Variants in CCNH observed in about 807,000 individuals in gnomAD.
CCNH encodes the protein cyclin-H.
CCNH carries 31 observed loss-of-function variants against 41.9 expected under a neutral mutation model. That is an observed-to-expected ratio of 0.74 (90% confidence interval 0.56 to 1.00). The LOEUF (loss-of-function observed/expected upper bound fraction) is 1.00. Among genes scored for constraint, CCNH ranks in the 50% least tolerant of loss-of-function variants. CCNH has a pLI of 0.00. For missense variants in CCNH, 362 were observed against 388.4 expected (o/e 0.93, Z 0.57); for synonymous variants, 138 against 136.1 (o/e 1.01, Z -0.10).
chr5:87,389,652 T>C, downstream of CCNH: 6 of 1,280,860 alleles, frequency 4.7e-6, no homozygotes, highest in Admixed American at 3.7e-5. Flanking sequence ...CTCTGCATCA[T>C]ATTACAAAAG....
At chr5:87,384,387 G>A (rs189360398) in intron 9 of CCNH, among the ~76,000 whole-genome samples, 172 of 152,164 alleles carry the variant, frequency 1.1e-3, no homozygotes, top group African/African-American at 3.8e-3. Flanking sequence ...TTGTGACTTT[G>A]AATGTAATAA....
At chr5:87,334,144 G>A (rs891984406) in intron 9 of CCNH, among the ~76,000 whole-genome samples, 1 of 152,126 alleles carries the variant, frequency 6.6e-6, no homozygotes, top group Non-Finnish European at 1.5e-5. Context: ...GATGGAGACA[G>A]TAAAGACCCA....
intron 9 of CCNH, among the ~76,000 whole-genome samples, chr5:87,354,798 T>C (rs552137225): frequency 1.3e-5 from 2 of 152,276 alleles, no homozygotes; most frequent in East Asian, 3.9e-4. Flanking sequence ...TTGAAGGAAA[T>C]TGAAAGTGCT....
the CCNH span, among the ~76,000 whole-genome samples, chr5:87,313,177 G>GAAA: frequency 6.6e-6 from 1 of 152,160 alleles, no homozygotes; most frequent in African/African-American, 2.4e-5. Context: ...CTCAGTTTTT[G>GAAA]ATGTGATCAA....
chr5:87,379,314 A>G (rs528667975), upstream of CCNH, among the ~76,000 whole-genome samples: 62 of 152,302 alleles, frequency 4.1e-4, no homozygotes, highest in African/African-American at 1.3e-3. Flanking sequence ...GAGATAGGCT[A>G]CGGAATTCCG....
At chr5:87,410,257 G>A (rs1764127764) in intron 2 of CCNH, among the ~76,000 whole-genome samples, 1 of 151,996 alleles carries the variant, frequency 6.6e-6, no homozygotes, top group African/African-American at 2.4e-5. Flanking sequence ...CCATAAAGAA[G>A]TTCATTAAAG....
At chr5:87,390,876 T>G (rs750934301), downstream of CCNH, 2 of 1,610,560 alleles carry the variant, frequency 1.2e-6, no homozygotes, top group Admixed American at 3.3e-5. Context: ...ACCAATGATG[T>G]CAGGTAGCAG....
chr5:87,333,207 CT>C (rs1757722314), intron 9 of CCNH: 1 of 1,590,408 alleles, frequency 6.3e-7, no homozygotes, highest in East Asian at 2.3e-5. Flanking sequence ...GGATATACCT[CT>C]TTTGACTTTA....
At chr5:87,376,280 T>G in exon 1 of CCNH, 1 of 1,277,108 alleles carries the variant, frequency 7.8e-7, no homozygotes. Context: ...GAAAACTCCT[T>G]TAATGAAAAG....
At chr5:87,412,556 G>C in intron 1 of CCNH, 122 bp downstream of exon 1, 1 of 1,470,124 alleles carries the variant, frequency 6.8e-7, no homozygotes. Flanking sequence ...ATAGAAAAAC[G>C]CACTCCGCGC....
At chr5:87,389,549 T>C, downstream of CCNH, 1 of 1,612,570 alleles carries the variant, frequency 6.2e-7, no homozygotes, top group Non-Finnish European at 8.5e-7. Flanking sequence ...CCAGCCTTCA[T>C]TAACAATGAT....
chr5:87,353,727 T>TG (rs1759449093), intron 9 of CCNH, among the ~76,000 whole-genome samples: 2 of 151,994 alleles, frequency 1.3e-5, no homozygotes, highest in Admixed American at 6.6e-5. Context: ...TGAAGTTGTA[T>TG]GGGGAGATGG....
chr5:87,348,032 A>T (rs949704156), intron 9 of CCNH, among the ~76,000 whole-genome samples: 2 of 152,032 alleles, frequency 1.3e-5, no homozygotes, highest in African/African-American at 4.8e-5. Context: ...AAGCACTTGC[A>T]TGCACAGTCT....
At chr5:87,325,152 GGA>G (rs1397853182) in intron 9 of CCNH, among the ~76,000 whole-genome samples, 11 of 152,152 alleles carry the variant, frequency 7.2e-5, no homozygotes, top group Admixed American at 6.5e-4. Flanking sequence ...GTGTCATCAA[GGA>G]GAAGTACTGA....
chr5:87,317,346 G>T (rs1756421130), downstream of CCNH, among the ~76,000 whole-genome samples: 1 of 151,820 alleles, frequency 6.6e-6, no homozygotes, highest in African/African-American at 2.4e-5. Context: ...TCATTAGATG[G>T]CCTCGATTAC....
chr5:87,345,106 T>A (rs931173449), intron 9 of CCNH, among the ~76,000 whole-genome samples: 6 of 152,086 alleles, frequency 3.9e-5, no homozygotes, highest in African/African-American at 1.4e-4. Context: ...CCGAAAGTAC[T>A]GGGATTACAG....
chr5:87,342,735 G>A (rs1580310950), intron 9 of CCNH, among the ~76,000 whole-genome samples: 1 of 152,244 alleles, frequency 6.6e-6, no homozygotes, highest in South Asian at 2.1e-4. Context: ...CCTATTGTAA[G>A]GTAATCACTT....
intron 9 of CCNH, chr5:87,366,409 A>G: frequency 2.5e-6 from 1 of 395,564 alleles, no homozygotes; most frequent in Non-Finnish European, 5.1e-6. Flanking sequence ...ATTACACTTG[A>G]TGGTAAAAGA....
At chr5:87,353,878 C>T (rs1235742118) in intron 9 of CCNH, among the ~76,000 whole-genome samples, 1 of 152,048 alleles carries the variant, frequency 6.6e-6, no homozygotes, top group African/African-American at 2.4e-5. Context: ...CTGTTTCTTC[C>T]TCATTGCACT....
Sources: gnomAD v4.1 joint callset for allele counts (sites outside exome capture counted in the v4.1 genomes callset) on GRCh38, gnomAD v4.1.1 for gene constraint, MANE v1.5 for transcripts, NCBI Gene and HGNC (gene_info 2026-07-23, HGNC 2026-07-21) for gene names.